Variants in GPR161 observed in about 807,000 individuals in gnomAD.
GPR161 encodes the protein G protein-coupled receptor 161.
GPR161 carries 25 observed loss-of-function variants against 39.2 expected under a neutral mutation model. The ratio of observed to expected loss-of-function variants is 0.64; its 90% CI spans 0.47 to 0.89. The LOEUF is 0.89. Among genes scored for constraint, GPR161 ranks in the 40% least tolerant of loss-of-function variants. The pLI is 0.00. For missense variants in GPR161, 547 were observed against 677.8 expected (o/e 0.81, Z 2.14); for synonymous variants, 286 against 276.6 (o/e 1.03, Z -0.34).
chr1:168,092,856 G>A (rs1047135493), intron 3 of GPR161, among the ~76,000 whole-genome samples: 6 of 152,162 alleles, frequency 3.9e-5, no homozygotes, highest in Admixed American at 3.3e-4. Flanking sequence ...AGTGTCCTTC[G>A]CAGGAGATAA....
chr1:168,099,030 G>A (rs1695830929), intron 2 of GPR161, among the ~76,000 whole-genome samples: 1 of 152,210 alleles, frequency 6.6e-6, no homozygotes. Flanking sequence ...AACGAATGAG[G>A]AAGATCATGG....
At chr1:168,095,962 C>T (rs897806968) in intron 3 of GPR161, among the ~76,000 whole-genome samples, 3 of 151,728 alleles carry the variant, frequency 2.0e-5, no homozygotes, top group Admixed American at 6.6e-5. Flanking sequence ...TGGTGAAACC[C>T]GTCTCTACTA....
intron 1 of GPR161, among the ~76,000 whole-genome samples, chr1:168,134,517 C>T (rs1350251172): frequency 6.6e-6 from 1 of 152,074 alleles, no homozygotes; most frequent in African/African-American, 2.4e-5. Context: ...TATAGAAAAA[C>T]AGCAAGAAGA....
At chr1:168,108,458 G>C (rs1020822350) in intron 1 of GPR161, among the ~76,000 whole-genome samples, 4 of 105,966 alleles carry the variant, frequency 3.8e-5, no homozygotes, top group Non-Finnish European at 6.9e-5. Context: ...GGTGGACAAG[G>C]TTATTTTATC....
At chr1:168,136,397 C>A in intron 1 of GPR161, 1 of 1,405,816 alleles carries the variant, frequency 7.1e-7, no homozygotes, top group South Asian at 1.5e-5. Context: ...GCCCTCCCAT[C>A]CAGCGGACTG....
rs769569314 is a variant in GPR161 at position 168,104,863 on chromosome 1, T to G, written c.-13A>C. ...AGTTGAGGCTCATGGTCAGTGCACCTCGGCGTGGGGTGGGCAGAGCATGCT... is the reference window on the plus strand; with the variant it reads ...AGTTGAGGCTCATGGTCAGTGCACCGCGGCGTGGGGTGGGCAGAGCATGCT... On this transcript the variant is annotated 5_prime_UTR_variant, in exon 2 of 6. Transcript: ENST00000682931. The G allele has an allele frequency of 7.4e-6, 12 of 1,611,988 alleles. No individual in the cohort carries two copies. The South Asian group carries it at 1.3e-4, about 18-fold the overall frequency.
At chr1:168,119,231 T>TAC (rs1558129699) in intron 1 of GPR161, among the ~76,000 whole-genome samples, 9 of 116,036 alleles carry the variant, frequency 7.8e-5, no homozygotes, top group African/African-American at 2.9e-4. Flanking sequence ...TATATACGTA[T>TAC]ATATATATAT....
chr1:168,124,024 G>A (rs534518318), intron 1 of GPR161, among the ~76,000 whole-genome samples: 5 of 152,332 alleles, frequency 3.3e-5, no homozygotes, highest in Middle Eastern at 3.4e-3. Flanking sequence ...GAGGAGCTGA[G>A]GAAGGCAAAC....
At chr1:168,108,729 A>C (rs1696872361) in intron 1 of GPR161, among the ~76,000 whole-genome samples, 1 of 152,094 alleles carries the variant, frequency 6.6e-6, no homozygotes, top group African/African-American at 2.4e-5. Context: ...AGTAAACATA[A>C]ACTTGACTGT....
intron 1 of GPR161, among the ~76,000 whole-genome samples, chr1:168,134,118 G>T (rs950178657): frequency 5.9e-5 from 9 of 152,190 alleles, no homozygotes; most frequent in Non-Finnish European, 1.3e-4. Flanking sequence ...AAGGGGCAGG[G>T]CTGGGAGGTA....
At chr1:168,117,566 T>G (rs1697740633) in intron 1 of GPR161, among the ~76,000 whole-genome samples, 1 of 152,174 alleles carries the variant, frequency 6.6e-6, no homozygotes, top group Non-Finnish European at 1.5e-5. Flanking sequence ...CTCATAGGGT[T>G]GGTGGTAGGA....
At chr1:168,094,916 A>C (rs1418184257) in intron 3 of GPR161, among the ~76,000 whole-genome samples, 1 of 152,230 alleles carries the variant, frequency 6.6e-6, no homozygotes, top group Admixed American at 6.5e-5. Flanking sequence ...GCATCATCTC[A>C]AAGTATCTCC....
chr1:168,105,529 G>A (rs1696524842), intron 1 of GPR161, among the ~76,000 whole-genome samples: 1 of 152,176 alleles, frequency 6.6e-6, no homozygotes, highest in Admixed American at 6.5e-5. Flanking sequence ...AGATTCTCAT[G>A]GGAATTGTTC....
At chr1:168,100,210 CA>C (rs35900694) in intron 2 of GPR161, among the ~76,000 whole-genome samples, 3,492 of 54,700 alleles carry the variant, frequency 0.064, 69 homozygotes, top group African/African-American at 0.18. Context: ...GACCCTGTCT[CA>C]AAAAAAAAAA....
At position 168,117,710 on chromosome 1, in the gene GPR161, T is replaced by C. The variant is rs934339931; in HGVS notation, c.-44-12816A>G. ...GAACAGTAGGTATTAGCCCTACAAC[T>C]TGGTCATGTGCCTGTGAGTCTATTG... On this transcript the variant is annotated intron_variant, in intron 1 of 5. Coordinates refer to ENST00000682931, the MANE Select transcript of GPR161 (RefSeq NM_001375883.1). Among the ~76,000 whole-genome samples, 3 of 152,216 alleles carry C rather than the reference T, an allele frequency of 2.0e-5. No individual in the cohort carries two copies. The East Asian group carries it at 5.8e-4, about 29-fold the overall frequency.
chr1:168,086,589 T>G (rs1454462082), intron 5 of GPR161, among the ~76,000 whole-genome samples: 2 of 152,172 alleles, frequency 1.3e-5, no homozygotes, highest in African/African-American at 2.4e-5. Context: ...GCCTTGCTCT[T>G]GCACCACCTG....
At position 168,083,415 on chromosome 1, in the gene GPR161, G is replaced by A. The variant is rs1309055274; in HGVS notation, c.*2116C>T. On this transcript the variant is annotated 3_prime_UTR_variant, in exon 6 of 6. Transcript: ENST00000682931. ...GTCAGGGGAACATTCTCCAACCCTT[G>A]CGTTTCAAAGCCAAGCTGCTGCACT... 6.6e-6 allele frequency: 1 copy of A among 152,222 alleles called. No individual in the cohort carries two copies. Among genetic ancestry groups the A allele is most frequent in the Non-Finnish European group, 1.5e-5 (1 of 68,104 alleles). The allele number at this position is 152,222 out of a possible 1,614,324, so 9.4% of individuals were successfully genotyped here.
intron 1 of GPR161, among the ~76,000 whole-genome samples, chr1:168,126,858 A>G (rs1480014943): frequency 6.6e-6 from 1 of 152,180 alleles, no homozygotes; most frequent in African/African-American, 2.4e-5. Context: ...CTGCATGTGG[A>G]GAAAACAAAT....
intron 1 of GPR161, among the ~76,000 whole-genome samples, chr1:168,119,227 CGTATATATATATAT>C (rs1558129655): frequency 2.0e-5 from 2 of 97,862 alleles, no homozygotes; most frequent in Non-Finnish European, 3.9e-5. Flanking sequence ...TATATATATA[CGTATATATATATAT>C]ACACATATAT....
Sources: gnomAD v4.1 joint callset for allele counts (sites outside exome capture counted in the v4.1 genomes callset) on GRCh38, gnomAD v4.1.1 for gene constraint, MANE v1.5 for transcripts, NCBI Gene and HGNC (gene_info 2026-07-23, HGNC 2026-07-21) for gene names.